The following BMP7 variants were observed in gnomAD, a reference collection of about 807,000 sequenced individuals.
The protein encoded by BMP7 is osteogenic protein 1.
Under a neutral mutation model 41.2 loss-of-function variants are expected in BMP7, and 12 were observed. The ratio of observed to expected loss-of-function variants is 0.29; its 90% CI spans 0.19 to 0.47. The LOEUF (loss-of-function observed/expected upper bound fraction) is 0.47, where lower values mean the gene tolerates loss of function less well. Ranked by LOEUF, BMP7 falls within the 20% of genes least tolerant of loss-of-function variation. BMP7 has a pLI of 0.99. For missense variants in BMP7, 467 were observed against 606.0 expected (o/e 0.77, Z 2.41); for synonymous variants, 248 against 250.0 (o/e 0.99, Z 0.07).
rs1227369252 is a variant in BMP7, at chr20:57,213,670, G to T, written c.612-11047C>A. Among the ~76,000 whole-genome samples, 3 of 152,142 alleles carry T rather than the reference G, an allele frequency of 2.0e-5. No homozygotes were observed. The highest frequency in any genetic ancestry group is 4.4e-5 in the Non-Finnish European group (3 of 68,020). ...CACAGCCACCAGCAGAGACAATCAG[G>T]GGGTGAGAGGCCCGGAATCCTCTTT... On this transcript the variant is annotated intron_variant, in intron 2 of 6. Coordinates refer to ENST00000395863, the MANE Select transcript of BMP7 (RefSeq NM_001719.3). This position sits in a 1 kb window ranked among gnomAD's most constrained non-coding sequence, Gnocchi z 4.4.
At chr20:57,211,107 C>G (rs1348761326) in intron 2 of BMP7, among the ~76,000 whole-genome samples, 1 of 152,234 alleles carries the variant, frequency 6.6e-6, no homozygotes, top group African/African-American at 2.4e-5. Context: ...GCCGGGGGCC[C>G]TCAGCACCCT....
At chr20:57,206,936 C>T (rs1286743946) in intron 2 of BMP7, among the ~76,000 whole-genome samples, 1 of 152,230 alleles carries the variant, frequency 6.6e-6, no homozygotes, top group East Asian at 1.9e-4. Context: ...TTACCTTGGA[C>T]TCCAAAATTT....
In BMP7 at chr20:57,265,949, G is replaced by C. The variant is rs1298463835; in HGVS notation, c.174C>G (p.Ile58Met). Reference protein sequence around the residue: ...SQERREMQREILSILGLPHRP... With the variant: ...SQERREMQREMLSILGLPHRP... ...GGTGGGGCAAGCCCAAAATGGAGAG[G>C]ATCTCGCGCTGCATCTCCCGCCGCT... Residue 58 changes from isoleucine (I) to methionine (M), a missense_variant, in exon 1 of 7, where the codon ATC (isoleucine) becomes ATG (methionine). Ile to Met is a conservative substitution (Grantham distance 10). This residue lies in a region of BMP7 where 407 missense variants were observed against 485.9 expected (regional missense o/e 0.84). Transcript: ENST00000395863. 1 of 1,552,868 alleles carries C rather than the reference G, an allele frequency of 6.4e-7. No individual in the cohort carries two copies. The highest frequency in any genetic ancestry group is 2.0e-5 in the Admixed American group (1 of 51,224).
chr20:57,198,545 G>T (rs1170517405), intron 3 of BMP7, among the ~76,000 whole-genome samples: 2 of 152,324 alleles, frequency 1.3e-5, no homozygotes, highest in East Asian at 3.9e-4. Context: ...TTCTCCCCGC[G>T]AGGGCACGCT....
At chr20:57,219,138 GGTGGTAGCTGGTGTTCA>G (rs1985120637) in intron 2 of BMP7, among the ~76,000 whole-genome samples, 1 of 122,546 alleles carries the variant, frequency 8.2e-6, no homozygotes, top group Admixed American at 7.4e-5. Flanking sequence ...GTAGCTGTTC[GGTGGTAGCTGGTGTTCA>G]GTGGTAGCTG....
chr20:57,205,520 C>T (rs1474045758), intron 2 of BMP7, among the ~76,000 whole-genome samples: 1 of 152,198 alleles, frequency 6.6e-6, no homozygotes, highest in Non-Finnish European at 1.5e-5. Context: ...AGACAAGAAG[C>T]ACCACTCCAA....
intron 5 of BMP7, among the ~76,000 whole-genome samples, chr20:57,173,888 G>A (rs922510154): frequency 3.9e-5 from 6 of 152,138 alleles, no homozygotes; most frequent in Non-Finnish European, 8.8e-5. Flanking sequence ...TGCTGGCTCC[G>A]GGTGCACTGG....
chr20:57,228,098 G>C lies in BMP7; in HGVS notation c.611+131C>G. 3 of 1,038,814 alleles carry C rather than the reference G, an allele frequency of 2.9e-6. No homozygotes were observed. The highest frequency in any genetic ancestry group is 4.5e-6 in the Non-Finnish European group (3 of 666,696). 64.3% of individuals were successfully genotyped at this position (1,038,814 alleles called of 1,614,324 possible). On this transcript the variant is annotated intron_variant, in intron 2 of 6. Transcript: ENST00000395863. The surrounding 1 kb of genome is among the most constrained non-coding windows in gnomAD (Gnocchi z 4.5). Reference sequence around the variant, plus strand: ...TGACATACACCATACACCTTCTTTAGAAGGGATAATCTGGTACAGGGCCTG... The same window carrying C: ...TGACATACACCATACACCTTCTTTACAAGGGATAATCTGGTACAGGGCCTG...
chr20:57,207,494 C>T (rs73299376), intron 2 of BMP7, among the ~76,000 whole-genome samples: 9,654 of 152,210 alleles, frequency 0.063, 1,058 homozygotes, highest in African/African-American at 0.22. Context: ...GTTTCAGAGA[C>T]AGATAACCCA....
At chr20:57,216,125 TC>T (rs1985011886) in intron 2 of BMP7, among the ~76,000 whole-genome samples, 1 of 152,008 alleles carries the variant, frequency 6.6e-6, no homozygotes, top group Admixed American at 6.6e-5. Context: ...CACGGTAGCA[TC>T]CTGAAGCCGG....
chr20:57,190,052 GGT>G (rs1984313473), intron 3 of BMP7, among the ~76,000 whole-genome samples: 1 of 152,232 alleles, frequency 6.6e-6, no homozygotes, highest in Non-Finnish European at 1.5e-5. Flanking sequence ...AGAAATACAC[GGT>G]GTGTGTCAGC....
At chr20:57,217,033 C>T (rs1053179257) in intron 2 of BMP7, among the ~76,000 whole-genome samples, 1 of 152,122 alleles carries the variant, frequency 6.6e-6, no homozygotes, top group African/African-American at 2.4e-5. Context: ...GCACCGTGAG[C>T]CCCCGCATGT....
Position 57,233,180 on chromosome 20 carries a change from C to T in BMP7, c.419-4759G>A, listed in dbSNP as rs148035912. 3.7e-4 allele frequency among the ~76,000 whole-genome samples: 57 copies of T among 152,276 alleles called. 1 individual carries two copies. The East Asian group carries it at 0.01, about 27-fold the overall frequency. ...TAGAGTTGACATCTCCCCATGCCCA[C>T]AGAGAAAAGCTTCCTAAGGAAGCCC... On this transcript the variant is annotated intron_variant, in intron 1 of 6. Transcript: ENST00000395863.
chr20:57,187,676 G>A (rs1186031694), intron 3 of BMP7, among the ~76,000 whole-genome samples: 1 of 152,092 alleles, frequency 6.6e-6, no homozygotes, highest in African/African-American at 2.4e-5. Flanking sequence ...GGCCACCCTG[G>A]TAGAAGGCAG....
intron 1 of BMP7, among the ~76,000 whole-genome samples, chr20:57,257,747 T>C (rs1325687265): frequency 7.0e-6 from 1 of 142,566 alleles, no homozygotes; most frequent in Non-Finnish European, 1.5e-5. Context: ...TGCAAGGCTG[T>C]GCATGGGCAG....
At chr20:57,206,289 T>A (rs770316538) in intron 2 of BMP7, among the ~76,000 whole-genome samples, 10 of 152,116 alleles carry the variant, frequency 6.6e-5, no homozygotes, top group Non-Finnish European at 1.3e-4. Flanking sequence ...CTGCTGAGAA[T>A]CTCGGTGCTT....
At chr20:57,205,676 C>A (rs977472612) in intron 2 of BMP7, among the ~76,000 whole-genome samples, 2 of 152,122 alleles carry the variant, frequency 1.3e-5, no homozygotes, top group Admixed American at 1.3e-4. Flanking sequence ...TCTGGACAGG[C>A]CCTCGAGGAC....
intron 4 of BMP7, among the ~76,000 whole-genome samples, chr20:57,176,092 A>C (rs1424531938): frequency 6.6e-6 from 1 of 152,220 alleles, no homozygotes; most frequent in Non-Finnish European, 1.5e-5. Context: ...CAAGTGACCC[A>C]ACACAAACTA....
chr20:57,266,160 G>A lies in BMP7; in HGVS notation c.-38C>T, dbSNP rs779616319. On this transcript the variant is annotated 5_prime_UTR_variant, in exon 1 of 7. Coordinates refer to ENST00000395863, the MANE Select transcript of BMP7 (RefSeq NM_001719.3). ...ACGCGCTACCCGGGCTCCGGGCTCCGGGCCCGCACCGCCCCAGGTGGCAGA... is the reference window on the plus strand; with the variant it reads ...ACGCGCTACCCGGGCTCCGGGCTCCAGGCCCGCACCGCCCCAGGTGGCAGA... 1.3e-4 allele frequency: 192 copies of A among 1,477,218 alleles called. No homozygotes were observed. Among genetic ancestry groups the A allele is most frequent in the Non-Finnish European group, 1.6e-4 (181 of 1,121,376 alleles). 91.5% of individuals were successfully genotyped at this position (1,477,218 alleles called of 1,614,324 possible).
Sources: gnomAD v4.1 joint callset for allele counts (sites outside exome capture counted in the v4.1 genomes callset) on GRCh38, gnomAD v4.1.1 for gene constraint, gnomAD v4.1.1 regional missense constraint, Gnocchi (gnomAD v3.1) non-coding constraint, MANE v1.5 for transcripts, NCBI Gene and HGNC (gene_info 2026-07-23, HGNC 2026-07-21) for gene names.